RBFOX1: variants seen among roughly 807,000 people sequenced by gnomAD.
RBFOX1 encodes RNA binding fox-1 homolog 1, also known as RNA binding protein fox-1 homolog 1.
In RBFOX1, 8 loss-of-function variants were observed where a neutral mutation model predicts 57.7. The ratio of observed to expected loss-of-function variants is 0.14; its 90% CI spans 0.08 to 0.25. The LOEUF (loss-of-function observed/expected upper bound fraction) is 0.25, where lower values mean the gene tolerates loss of function less well. Ranked by LOEUF, RBFOX1 falls within the 10% of genes least tolerant of loss-of-function variation. RBFOX1 has a pLI of 1.00. For synonymous variants in RBFOX1, 326 were observed against 222.4 expected (o/e 1.47, Z -4.15); for missense variants, 611 against 548.5 (o/e 1.11, Z -1.14).
At chr16:7,471,246 C>T (rs2061503755) in intron 4 of RBFOX1, among the ~76,000 whole-genome samples, 1 of 152,164 alleles carries the variant, frequency 6.6e-6, no homozygotes, top group Non-Finnish European at 1.5e-5. Context: ...TTAACTGTTC[C>T]TCACTGAGGG....
chr16:6,776,330 G>A (rs892800726), intron 3 of RBFOX1, among the ~76,000 whole-genome samples: 1 of 152,116 alleles, frequency 6.6e-6, no homozygotes, highest in Admixed American at 6.5e-5. Context: ...AGAATGGTGT[G>A]AACCCAGGAG....
At chr16:7,064,393 C>T (rs901045504) in intron 4 of RBFOX1, among the ~76,000 whole-genome samples, 1 of 151,942 alleles carries the variant, frequency 6.6e-6, no homozygotes, top group African/African-American at 2.4e-5. Flanking sequence ...GGTCTTGAAC[C>T]CCTGACCTCA....
intron 1 of RBFOX1, among the ~76,000 whole-genome samples, chr16:6,233,866 CT>C (rs2097485049): frequency 6.6e-6 from 1 of 152,172 alleles, no homozygotes; most frequent in Admixed American, 6.5e-5. Context: ...TTTATTACCC[CT>C]GTCTTAGTCT....
At chr16:5,618,122 C>G (rs761706093) in intron 3 of RBFOX1, among the ~76,000 whole-genome samples, 1 of 152,164 alleles carries the variant, frequency 6.6e-6, no homozygotes, top group Non-Finnish European at 1.5e-5. Flanking sequence ...GTATTTTTAT[C>G]TCCTGGAAGT....
chr16:6,542,833 C>T (rs2096842508), intron 2 of RBFOX1, among the ~76,000 whole-genome samples: 1 of 152,018 alleles, frequency 6.6e-6, no homozygotes, highest in Non-Finnish European at 1.5e-5. Context: ...TTCCTGGGTG[C>T]CACAGTTACC....
chr16:6,142,018 C>T (rs1332589282), intron 1 of RBFOX1, among the ~76,000 whole-genome samples: 2 of 150,362 alleles, frequency 1.3e-5, no homozygotes, highest in Non-Finnish European at 3.0e-5. Flanking sequence ...GAGATCATGC[C>T]ACTGCAGTCC....
At chr16:5,619,402 G>C in intron 3 of RBFOX1, among the ~76,000 whole-genome samples, 1 of 152,112 alleles carries the variant, frequency 6.6e-6, no homozygotes, top group East Asian at 1.9e-4. Context: ...CAGAGACCTG[G>C]GGCTGGGACT....
In RBFOX1 at chr16:5,844,811, C is replaced by G. The variant is rs1367880508; in HGVS notation, c.319-22492C>G. On this transcript the variant is annotated intron_variant, in intron 3 of 19. Coordinates refer to the RBFOX1 transcript ENST00000641259. Reference sequence around the variant, plus strand: ...CAGAACTATCATTGTCAGGAGCCAACACAAAGGCGGTTTCCCTTACACGTT... The same window carrying G: ...CAGAACTATCATTGTCAGGAGCCAAGACAAAGGCGGTTTCCCTTACACGTT... Among the ~76,000 whole-genome samples, 6 of 152,140 alleles carry G rather than the reference C, an allele frequency of 3.9e-5. No homozygotes were observed. The East Asian group carries it at 1.2e-3, about 29-fold the overall frequency.
intron 4 of RBFOX1, among the ~76,000 whole-genome samples, chr16:7,139,108 T>C (rs1020964873): frequency 1.1e-4 from 17 of 152,008 alleles, no homozygotes; most frequent in Non-Finnish European, 1.8e-4. Flanking sequence ...ATGGTCAACT[T>C]ACAGATTTTG....
At chr16:6,258,859 A>G (rs1326708797) in intron 1 of RBFOX1, among the ~76,000 whole-genome samples, 2 of 152,184 alleles carry the variant, frequency 1.3e-5, no homozygotes, top group Non-Finnish European at 2.9e-5. Context: ...GTATCAAAAC[A>G]TCTCATGTAC....
intron 4 of RBFOX1, among the ~76,000 whole-genome samples, chr16:7,372,320 G>A (rs751306388): frequency 6.6e-6 from 1 of 152,158 alleles, no homozygotes; most frequent in African/African-American, 2.4e-5. Context: ...GGCTCTAAAG[G>A]ACACAGTGTT....
At chr16:6,713,531 T>A (rs2064141103) in intron 3 of RBFOX1, among the ~76,000 whole-genome samples, 2 of 152,022 alleles carry the variant, frequency 1.3e-5, no homozygotes, top group Non-Finnish European at 2.9e-5. Context: ...TAGATGCAAG[T>A]AAAACCCCCT....
At chr16:7,392,721 C>T (rs892381981) in intron 4 of RBFOX1, among the ~76,000 whole-genome samples, 6 of 152,162 alleles carry the variant, frequency 3.9e-5, no homozygotes, top group African/African-American at 1.2e-4. Flanking sequence ...AAACTGAAAA[C>T]TTCAGGAGTG....
chr16:7,448,837 T>G (rs181194920), intron 4 of RBFOX1, among the ~76,000 whole-genome samples: 162 of 152,132 alleles, frequency 1.1e-3, no homozygotes, highest in Middle Eastern at 3.4e-3. Flanking sequence ...AGGGCCCACT[T>G]TAATCCGGTA....
rs138510138 is a variant in RBFOX1, at chr16:6,428,339, A to G, written c.-64+111282A>G. Among the ~76,000 whole-genome samples, 126 of 151,870 alleles carry G rather than the reference A, an allele frequency of 8.3e-4. 1 individual carries two copies. The East Asian group carries it at 0.018, about 21-fold the overall frequency. On this transcript the variant is annotated intron_variant, in intron 2 of 15. Transcript: ENST00000550418. ...TCGATGCCTAGTTAGCATTCCATAC[A>G]TTGACTATTACCATTTTCATTATTA...
chr16:5,786,413 C>G (rs138395352), intron 3 of RBFOX1, among the ~76,000 whole-genome samples: 356 of 152,064 alleles, frequency 2.3e-3, no homozygotes, highest in African/African-American at 8.3e-3. Context: ...CTTGGTGTGT[C>G]TCTACCACTA....
chr16:6,216,555 C>T (rs2097337139), intron 1 of RBFOX1, among the ~76,000 whole-genome samples: 1 of 152,216 alleles, frequency 6.6e-6, no homozygotes, highest in Admixed American at 6.5e-5. Context: ...TATCCACAAG[C>T]CACAGCTTCA....
At chr16:7,084,975 TGTCCATCC>T (rs1327113929) in intron 4 of RBFOX1, among the ~76,000 whole-genome samples, 1 of 152,016 alleles carries the variant, frequency 6.6e-6, no homozygotes, top group African/African-American at 2.4e-5. Flanking sequence ...TCTGTCTGTC[TGTCCATCC>T]GTCCATCCAT....
At chr16:7,633,108 T>G (rs74990981) in intron 11 of RBFOX1, among the ~76,000 whole-genome samples, 3,827 of 152,268 alleles carry the variant, frequency 0.025, 172 homozygotes, top group African/African-American at 0.088. Context: ...GAATGATGTT[T>G]AGATTTTCCA....
Sources: allele counts gnomAD v4.1 joint callset (sites outside exome capture counted in the v4.1 genomes callset), GRCh38; gene constraint gnomAD v4.1.1; transcripts MANE v1.5; gene names NCBI Gene and HGNC (gene_info 2026-07-23, HGNC 2026-07-21).